AGBL4: variants seen among roughly 807,000 people sequenced by gnomAD.
The protein encoded by AGBL4 is cytosolic carboxypeptidase 6.
In AGBL4, 58 loss-of-function variants were observed where a neutral mutation model predicts 66.4. That is an observed-to-expected ratio of 0.87 (90% CI 0.71 to 1.09). The LOEUF (loss-of-function observed/expected upper bound fraction) is 1.09, where lower values mean the gene tolerates loss of function less well. AGBL4 is among the 50% of genes least tolerant of loss of function. The pLI, the probability that AGBL4 is intolerant of heterozygous loss-of-function variation, is 0.00. For synonymous variants in AGBL4, 234 were observed against 222.9 expected, an observed-to-expected ratio of 1.05 and a Z score of -0.44; for missense variants, 579 against 631.0, an observed-to-expected ratio of 0.92 and a Z score of 0.88.
At chr1:49,935,732 G>A (rs886390467) in intron 1 of AGBL4, among the ~76,000 whole-genome samples, 1 of 152,186 alleles carries the variant, frequency 6.6e-6, no homozygotes, top group Non-Finnish European at 1.5e-5. Context: ...AACAGGGTCT[G>A]GAGTGGACCT....
chr1:49,787,806 G>C, intron 2 of AGBL4, among the ~76,000 whole-genome samples: 1 of 151,964 alleles, frequency 6.6e-6, no homozygotes, highest in East Asian at 1.9e-4. Context: ...CTCCAACAAT[G>C]AACTGTGACA....
intron 5 of AGBL4, among the ~76,000 whole-genome samples, chr1:49,027,457 C>T (rs1663807399): frequency 1.3e-5 from 2 of 152,038 alleles, no homozygotes; most frequent in Admixed American, 1.3e-4. Context: ...GCCACCGTGC[C>T]CAGCCTAAAA....
intron 3 of AGBL4, among the ~76,000 whole-genome samples, chr1:49,477,512 A>G (rs1452314963): frequency 6.6e-6 from 1 of 152,150 alleles, no homozygotes; most frequent in Non-Finnish European, 1.5e-5. Flanking sequence ...TAGCATTACT[A>G]GGCTTGGGGT....
In AGBL4 at chr1:48,533,478, A is replaced by T. The variant is rs1035677968; in HGVS notation, c.*695T>A. On this transcript the variant is annotated 3_prime_UTR_variant, in exon 14 of 14. Transcript: ENST00000371839. ...GGGATCTGGAGACCTTAACCATAAT[A>T]AACCTTTTAAAATGAGTGACCAGTG... The T allele has an allele frequency of 1.3e-5, 2 of 152,602 alleles. No individual in the cohort carries two copies. Among genetic ancestry groups the T allele is most frequent in the Non-Finnish European group, 2.9e-5 (2 of 68,424 alleles). 9.5% of individuals were successfully genotyped at this position (152,602 alleles called of 1,614,324 possible).
rs533345218 is a variant in AGBL4, at chr1:49,014,338, A to G, written c.594+31246T>C. Among the ~76,000 whole-genome samples the G allele has an allele frequency of 1.4e-4, 22 of 152,352 alleles. No individual in the cohort carries two copies. In the South Asian group the frequency reaches 4.4e-3, roughly 30 times the overall value. On this transcript the variant is annotated intron_variant, in intron 5 of 13. Transcript: ENST00000371839. ...AATACAAGTTAAATGCTTTAGACCA[A>G]GAGGTAGTATAATATTGTCGTTAAG...
At chr1:49,339,495 G>C (rs781216920) in intron 3 of AGBL4, among the ~76,000 whole-genome samples, 10 of 152,144 alleles carry the variant, frequency 6.6e-5, no homozygotes, top group Admixed American at 5.2e-4. Context: ...GGCAGAAAAT[G>C]TTGATCACAA....
At chr1:49,632,838 T>TG (rs11411875) in intron 3 of AGBL4, among the ~76,000 whole-genome samples, 104,183 of 151,810 alleles carry the variant, frequency 0.69, 36,527 homozygotes, top group African/African-American at 0.79. Flanking sequence ...TAGAACAGTG[T>TG]GCCTAGGCGG....
intron 2 of AGBL4, among the ~76,000 whole-genome samples, chr1:49,783,341 G>T (rs929884719): frequency 2.0e-5 from 3 of 152,040 alleles, no homozygotes; most frequent in African/African-American, 7.3e-5. Context: ...TTACCAAATT[G>T]AATTTATTCC....
chr1:49,679,165 G>T (rs541392962), intron 3 of AGBL4, among the ~76,000 whole-genome samples: 1 of 152,144 alleles, frequency 6.6e-6, no homozygotes, highest in Non-Finnish European at 1.5e-5. Flanking sequence ...CTGAATTTAT[G>T]TATTTCCTCA....
chr1:48,825,273 T>G (rs1466872937), intron 6 of AGBL4, among the ~76,000 whole-genome samples: 1 of 152,146 alleles, frequency 6.6e-6, no homozygotes, highest in Non-Finnish European at 1.5e-5. Context: ...ACTGGGTCTG[T>G]GACTTCCAAT....
At chr1:49,512,265 T>C (rs967156980) in intron 3 of AGBL4, among the ~76,000 whole-genome samples, 1 of 152,008 alleles carries the variant, frequency 6.6e-6, no homozygotes, top group Non-Finnish European at 1.5e-5. Flanking sequence ...GGAACTAGGA[T>C]TAAATCCTAC....
At chr1:48,601,684 A>T (rs319979) in intron 9 of AGBL4, among the ~76,000 whole-genome samples, 2 of 151,892 alleles carry the variant, frequency 1.3e-5, no homozygotes, top group Non-Finnish European at 2.9e-5. Flanking sequence ...CCATGGAAGT[A>T]GATAGGATTA....
intron 6 of AGBL4, among the ~76,000 whole-genome samples, chr1:48,709,584 C>CTTTATTATTATT (rs1553211511): frequency 7.0e-6 from 1 of 141,898 alleles, no homozygotes; most frequent in African/African-American, 2.6e-5. Context: ...ATTTGCCAGG[C>CTTTATTATTATT]ATTATTATTA....
intron 2 of AGBL4, among the ~76,000 whole-genome samples, chr1:49,819,058 T>C (rs750526020): frequency 1.3e-5 from 2 of 152,162 alleles, no homozygotes; most frequent in Non-Finnish European, 2.9e-5. Context: ...AGTGCCTATT[T>C]CATGGGATTC....
chr1:49,688,844 C>T (rs1160416134), intron 3 of AGBL4, among the ~76,000 whole-genome samples: 1 of 152,172 alleles, frequency 6.6e-6, no homozygotes, highest in Non-Finnish European at 1.5e-5. Flanking sequence ...AGCACCTTTT[C>T]ATATGCCTGT....
chr1:48,634,478 C>T lies in AGBL4; in HGVS notation c.951+15G>A. ...GCCATAGATCAGCAGCTGTGGAGGG[C>T]ATTCAGTTACTTACTGGGTCGTTGT... is the stretch of plus-strand genomic sequence containing the variant. On this transcript the variant is annotated intron_variant, in intron 9 of 13. Coordinates refer to ENST00000371839, the MANE Select transcript of AGBL4 (RefSeq NM_032785.4). 6.4e-7 allele frequency: 1 copy of T among 1,568,220 alleles called. No homozygotes were observed.
chr1:48,999,174 T>G (rs560860042), intron 5 of AGBL4, among the ~76,000 whole-genome samples: 173 of 152,218 alleles, frequency 1.1e-3, no homozygotes, highest in Non-Finnish European at 1.6e-3. Flanking sequence ...TTGAACTATA[T>G]GACCCTTAAG....
At chr1:48,858,099 C>G (rs978378035) in intron 6 of AGBL4, among the ~76,000 whole-genome samples, 4 of 152,058 alleles carry the variant, frequency 2.6e-5, no homozygotes, top group African/African-American at 9.7e-5. Context: ...CATTAGACAT[C>G]AGAAAAAATG....
At position 49,831,746 on chromosome 1, in the gene AGBL4, T is replaced by C. The variant is rs536504133; in HGVS notation, c.157+19650A>G. Among the ~76,000 whole-genome samples the C allele has an allele frequency of 2.0e-5, 3 of 152,292 alleles. No individual in the cohort carries two copies. The South Asian group carries it at 6.2e-4, about 32-fold the overall frequency. On this transcript the variant is annotated intron_variant, in intron 2 of 13. Transcript: ENST00000371839. Reference sequence around the variant, plus strand: ...ATTCAGTATGATACTGGCTGTGGGTTTGTCATAAATAGCTCTTACTGTTTT... The same window carrying C: ...ATTCAGTATGATACTGGCTGTGGGTCTGTCATAAATAGCTCTTACTGTTTT...
Sources: gnomAD v4.1 joint callset for allele counts (sites outside exome capture counted in the v4.1 genomes callset) on GRCh38, gnomAD v4.1.1 for gene constraint, MANE v1.5 for transcripts, NCBI Gene and HGNC (gene_info 2026-07-23, HGNC 2026-07-21) for gene names.